The following RALYL variants were observed in gnomAD, a reference collection of about 807,000 sequenced individuals.
RALYL encodes RNA-binding Raly-like protein.
RALYL carries 29 observed loss-of-function variants against 35.1 expected under a neutral mutation model. That is an observed-to-expected ratio of 0.83 (90% confidence interval 0.61 to 1.13). RALYL has a LOEUF of 1.13. Ranked by LOEUF, RALYL falls within the 50% of genes most tolerant of loss-of-function variation. RALYL has a pLI of 0.00. For missense variants in RALYL, 359 were observed against 360.4 expected, an observed-to-expected ratio of 1.00 and a Z score of 0.03; for synonymous variants, 120 against 127.6, an observed-to-expected ratio of 0.94 and a Z score of 0.40.
At chr8:84,599,264 T>A (rs1220066990) in intron 2 of RALYL, among the ~76,000 whole-genome samples, 2 of 152,026 alleles carry the variant, frequency 1.3e-5, no homozygotes, top group East Asian at 3.9e-4. Flanking sequence ...AATTAAAACC[T>A]CATACATGTG....
chr8:84,302,461 C>T (rs999591804), intron 1 of RALYL, among the ~76,000 whole-genome samples: 1 of 152,166 alleles, frequency 6.6e-6, no homozygotes, highest in African/African-American at 2.4e-5. Context: ...CTGAAAACCT[C>T]ATAGGATACT....
rs142254321 is a variant in RALYL at position 84,425,573 on chromosome 8, C to G, written c.-23-103726C>G. ...TCCTATTCGGCCATCTTGGCTCCTC[C>G]TGGTCTTAACTTTTATGAACTCTTA... On this transcript the variant is annotated intron_variant, in intron 1 of 8. Coordinates refer to ENST00000521268, the MANE Select transcript of RALYL (RefSeq NM_173848.7). Among the ~76,000 whole-genome samples, 330 of 152,270 alleles carry G rather than the reference C, an allele frequency of 2.2e-3. 1 individual carries two copies. The highest frequency in any genetic ancestry group is 7.7e-3 in the African/African-American group (319 of 41,560).
intron 1 of RALYL, among the ~76,000 whole-genome samples, chr8:84,480,139 TATTA>T (rs1366970077): frequency 2.0e-5 from 3 of 152,186 alleles, no homozygotes; most frequent in East Asian, 3.9e-4. Context: ...AGTATTTGAT[TATTA>T]ATTAATTATA....
At chr8:84,245,075 C>G (rs1355185510) in intron 1 of RALYL, among the ~76,000 whole-genome samples, 2 of 152,106 alleles carry the variant, frequency 1.3e-5, no homozygotes, top group Non-Finnish European at 2.9e-5. Flanking sequence ...GATGAGCAAC[C>G]TTGAGCTTGG....
chr8:84,314,499 A>C (rs1245897969), intron 1 of RALYL, among the ~76,000 whole-genome samples: 2 of 152,128 alleles, frequency 1.3e-5, no homozygotes, highest in African/African-American at 2.4e-5. Flanking sequence ...TAAATGTCAT[A>C]CCAAAAAAGA....
intron 1 of RALYL, among the ~76,000 whole-genome samples, chr8:84,418,410 C>G (rs2132316653): frequency 6.6e-6 from 1 of 152,152 alleles, no homozygotes; most frequent in East Asian, 1.9e-4. Context: ...TTACAAATGT[C>G]TATGACAATT....
chr8:84,268,173 T>C (rs1374766314), intron 1 of RALYL, among the ~76,000 whole-genome samples: 1 of 152,112 alleles, frequency 6.6e-6, no homozygotes, highest in Non-Finnish European at 1.5e-5. Context: ...CAGAAATAGG[T>C]TACATCTTTT....
intron 2 of RALYL, among the ~76,000 whole-genome samples, chr8:84,654,401 C>T (rs924042601): frequency 4.8e-5 from 7 of 146,882 alleles, no homozygotes; most frequent in East Asian, 2.1e-4. Context: ...ATGGGATATC[C>T]GTCCACTCAA....
At chr8:84,472,383 G>C (rs1311261985) in intron 1 of RALYL, among the ~76,000 whole-genome samples, 2 of 152,178 alleles carry the variant, frequency 1.3e-5, no homozygotes, top group East Asian at 3.9e-4. Context: ...GGCTGGGACT[G>C]TTAATTCTCT....
chr8:84,843,816 T>C (rs1833980170), intron 4 of RALYL, among the ~76,000 whole-genome samples: 1 of 152,134 alleles, frequency 6.6e-6, no homozygotes. Context: ...TAATGCCGCA[T>C]AGCTACAACC....
In RALYL at chr8:84,845,129, A is replaced by T. The variant is rs553619497; in HGVS notation, c.366-4851A>T. On this transcript the variant is annotated intron_variant, in intron 4 of 8. Coordinates refer to ENST00000521268, the MANE Select transcript of RALYL (RefSeq NM_173848.7). ...AACTTAAAGCATAATAAAAAAATTA[A>T]AAAAAATAAAAAATTTAGTCACGTA... Among the ~76,000 whole-genome samples, 599 of 152,234 alleles carry T rather than the reference A, an allele frequency of 3.9e-3. 6 individuals carry two copies. The highest frequency in any genetic ancestry group is 0.014 in the African/African-American group (562 of 41,524).
In RALYL at chr8:84,284,768, C is replaced by A. The variant is rs184953934; in HGVS notation, c.-24+100344C>A. ...ATTTGGCAGTGATACTTCATATACT[C>A]AGTAATAGCAGAAGATGGTTAGGGC... On this transcript the variant is annotated intron_variant, in intron 1 of 8. Transcript: ENST00000521268. 3.9e-3 allele frequency among the ~76,000 whole-genome samples: 592 copies of A among 152,274 alleles called. 13 individuals are homozygous for A. Among genetic ancestry groups the A allele is most frequent in the Middle Eastern group, 0.017 (5 of 294 alleles).
At chr8:84,325,384 A>G (rs1394082248) in intron 1 of RALYL, among the ~76,000 whole-genome samples, 5 of 152,190 alleles carry the variant, frequency 3.3e-5, no homozygotes, top group Non-Finnish European at 5.9e-5. Context: ...TAAAATCACT[A>G]TTTATAACTG....
chr8:84,725,177 A>G (rs1272709784), intron 2 of RALYL, among the ~76,000 whole-genome samples: 1 of 151,642 alleles, frequency 6.6e-6, no homozygotes, highest in African/African-American at 2.4e-5. Flanking sequence ...TTTATGTCAA[A>G]AAAGTCATTT....
intron 4 of RALYL, among the ~76,000 whole-genome samples, chr8:84,824,436 C>T (rs1829211040): frequency 6.6e-6 from 1 of 151,848 alleles, no homozygotes; most frequent in South Asian, 2.1e-4. Context: ...GGCCAGACTG[C>T]CCAAAGCAAC....
At chr8:84,704,448 C>G (rs191723822) in intron 2 of RALYL, among the ~76,000 whole-genome samples, 10 of 117,124 alleles carry the variant, frequency 8.5e-5, no homozygotes, top group African/African-American at 3.2e-4. Flanking sequence ...TACACACAGA[C>G]ACACACACAC....
intron 1 of RALYL, among the ~76,000 whole-genome samples, chr8:84,389,212 T>G (rs1195438732): frequency 2.0e-5 from 3 of 152,298 alleles, no homozygotes; most frequent in South Asian, 2.1e-4. Flanking sequence ...ATCTCTGTTT[T>G]GGTATCAGTA....
intron 4 of RALYL, among the ~76,000 whole-genome samples, chr8:84,849,548 G>A (rs1330652516): frequency 6.7e-6 from 1 of 150,128 alleles, no homozygotes; most frequent in East Asian, 1.9e-4. Flanking sequence ...CTAATTAAAA[G>A]TTTTTTGTTT....
chr8:84,668,923 G>C (rs947485446), intron 2 of RALYL, among the ~76,000 whole-genome samples: 2 of 151,992 alleles, frequency 1.3e-5, no homozygotes, highest in African/African-American at 4.8e-5. Context: ...TGGCAGGAAA[G>C]CTATTGAGGT....
Sources: allele counts gnomAD v4.1 joint callset (sites outside exome capture counted in the v4.1 genomes callset), GRCh38; gene constraint gnomAD v4.1.1; transcripts MANE v1.5; gene names NCBI Gene and HGNC (gene_info 2026-07-23, HGNC 2026-07-21).